VIPR2: variants seen among roughly 807,000 people sequenced by gnomAD.
VIPR2 encodes the protein vasoactive intestinal peptide receptor 2, also known as vasoactive intestinal polypeptide receptor 2.
VIPR2 carries 48 observed loss-of-function variants against 58.0 expected under a neutral mutation model. The observed-to-expected ratio is 0.83, with a 90% confidence interval of 0.66 to 1.05. VIPR2 has a LOEUF of 1.05. Among genes scored for constraint, VIPR2 ranks in the 50% least tolerant of loss-of-function variants. The pLI is 0.00. For synonymous variants in VIPR2, 243 were observed against 235.2 expected (o/e 1.03, Z -0.30); for missense variants, 534 against 558.0 (o/e 0.96, Z 0.43).
intron 2 of VIPR2, among the ~76,000 whole-genome samples, chr7:159,119,264 G>A (rs1028276393): frequency 6.6e-6 from 1 of 152,194 alleles, no homozygotes; most frequent in Non-Finnish European, 1.5e-5. Context: ...CTGCCCCTGA[G>A]CATGTTGCTA....
chr7:159,037,256 C>T (rs937009683), intron 6 of VIPR2, among the ~76,000 whole-genome samples: 8 of 152,254 alleles, frequency 5.3e-5, no homozygotes, highest in Non-Finnish European at 1.2e-4. Flanking sequence ...ACTTCCCCTT[C>T]TCTGACCTGC....
intron 6 of VIPR2, among the ~76,000 whole-genome samples, chr7:159,040,041 C>T (rs1010930842): frequency 1.5e-4 from 23 of 152,284 alleles, no homozygotes; most frequent in African/African-American, 5.1e-4. Context: ...GTGCTGAAGA[C>T]GATTCCATTT....
At chr7:159,104,278 G>A (rs573894662) in intron 3 of VIPR2, among the ~76,000 whole-genome samples, 5 of 135,144 alleles carry the variant, frequency 3.7e-5, no homozygotes, top group African/African-American at 1.1e-4. Flanking sequence ...CCTCACCACC[G>A]ACAGTGACCG....
Position 159,096,650 on chromosome 7 carries a change from T to C in VIPR2, c.357+7107A>G, listed in dbSNP as rs893224979. ...GCCCTGAAAAGACTCATCCATTTAT[T>C]TGGAAAGTATTAAGCATCACATGCA... On this transcript the variant is annotated intron_variant, in intron 4 of 12. Transcript: ENST00000262178. This position sits in a 1 kb window ranked among gnomAD's most constrained non-coding sequence, Gnocchi z 5.5. 2.6e-5 allele frequency among the ~76,000 whole-genome samples: 4 copies of C among 152,226 alleles called. No individual in the cohort carries two copies. Among genetic ancestry groups the C allele is most frequent in the Non-Finnish European group, 5.9e-5 (4 of 68,044 alleles).
In VIPR2 at chr7:159,098,992, G is replaced by A. The variant is rs997137567; in HGVS notation, c.357+4765C>T. On this transcript the variant is annotated intron_variant, in intron 4 of 12. Transcript: ENST00000262178. The surrounding 1 kb of genome is among the most constrained non-coding windows in gnomAD (Gnocchi z 5.2). ...GCCCAGGACCGTGCATGTCCACCCC[G>A]TGGCTGCCTGGGGCCTGTTCTGGTG... 7.9e-5 allele frequency among the ~76,000 whole-genome samples: 12 copies of A among 152,218 alleles called. No homozygotes were observed. The highest frequency in any genetic ancestry group is 2.1e-4 in the South Asian group (1 of 4,836).
chr7:159,137,757 T>C (rs766833261), intron 2 of VIPR2, among the ~76,000 whole-genome samples: 20 of 151,826 alleles, frequency 1.3e-4, no homozygotes, highest in Non-Finnish European at 1.9e-4. Context: ...CCTTAAAGAG[T>C]TTAGAAAATG....
chr7:159,132,945 A>C lies in VIPR2; in HGVS notation c.151+9501T>G, dbSNP rs10232017. On this transcript the variant is annotated intron_variant, in intron 2 of 12. Coordinates refer to ENST00000262178, the MANE Select transcript of VIPR2 (RefSeq NM_003382.5). ...ATTTCAGACAGAATGATTGGCATAC[A>C]GATTGATTTCAGACAGAATGATTGG... 9.0e-3 allele frequency among the ~76,000 whole-genome samples: 591 copies of C among 65,410 alleles called. 4 individuals are homozygous for C. The highest frequency in any genetic ancestry group is 0.024 in the Admixed American group (131 of 5,440). 42.9% of individuals were successfully genotyped at this position (65,410 alleles called of 152,430 possible).
At chr7:159,122,483 C>G (rs116659620) in intron 2 of VIPR2, among the ~76,000 whole-genome samples, 2,539 of 152,306 alleles carry the variant, frequency 0.017, 65 homozygotes, top group African/African-American at 0.057. Context: ...AGAGACTGAA[C>G]TGGATAAAAA....
rs558593596 is a variant in VIPR2 at position 159,117,386 on chromosome 7, G to A, written c.152-7467C>T. 9.8e-5 allele frequency: 70 copies of A among 717,508 alleles called. No homozygotes were observed. In the South Asian group the frequency reaches 9.9e-4, roughly 10 times the overall value. The allele number at this position is 717,508 out of a possible 1,614,324, so 44.4% of individuals were successfully genotyped here. On this transcript the variant is annotated intron_variant, in intron 2 of 12. Transcript: ENST00000262178. ...CTCTTTAAACCTCCGGCGTGAATGAGGATGAATCCCTTTGTATGGCCTGTG... is the reference window on the plus strand; with the variant it reads ...CTCTTTAAACCTCCGGCGTGAATGAAGATGAATCCCTTTGTATGGCCTGTG...
intron 2 of VIPR2, among the ~76,000 whole-genome samples, chr7:159,139,867 C>T (rs372620100): frequency 2.0e-5 from 3 of 152,276 alleles, no homozygotes; most frequent in African/African-American, 7.2e-5. Context: ...TGCCTTCCAC[C>T]TGCGAGTTGG....
At chr7:159,070,260 G>A (rs1371108458) in intron 4 of VIPR2, among the ~76,000 whole-genome samples, 1 of 152,068 alleles carries the variant, frequency 6.6e-6, no homozygotes, top group Non-Finnish European at 1.5e-5. Flanking sequence ...AGCCGCCCCT[G>A]CATCCAGGGC....
intron 4 of VIPR2, among the ~76,000 whole-genome samples, chr7:159,084,138 C>T (rs929285535): frequency 3.3e-5 from 5 of 152,226 alleles, no homozygotes; most frequent in African/African-American, 9.6e-5. Flanking sequence ...AAAGCAAAGC[C>T]GCATCAGTAC....
intron 7 of VIPR2, 35 bp from the exon 8 acceptor site, chr7:159,036,047 G>A (rs1853929314): frequency 1.2e-6 from 2 of 1,604,482 alleles, no homozygotes; most frequent in Non-Finnish European, 1.7e-6. Flanking sequence ...AGGTGGAGCG[G>A]AGCGGTGTGC....
intron 5 of VIPR2, among the ~76,000 whole-genome samples, chr7:159,045,580 A>G (rs1219422710): frequency 6.6e-6 from 1 of 152,214 alleles, no homozygotes; most frequent in African/African-American, 2.4e-5. Flanking sequence ...ATTACTCAGA[A>G]TGAATCAATG....
At chr7:159,101,210 G>A (rs1388343567) in intron 4 of VIPR2, among the ~76,000 whole-genome samples, 3 of 144,442 alleles carry the variant, frequency 2.1e-5, no homozygotes, top group Admixed American at 6.9e-5. Flanking sequence ...CACGAGATCC[G>A]ACGAGGCCGT....
chr7:159,043,016 G>A lies in VIPR2; in HGVS notation c.597+19C>T, dbSNP rs925756514. 6.2e-6 allele frequency: 10 copies of A among 1,612,666 alleles called. No homozygotes were observed. Among genetic ancestry groups the A allele is most frequent in the Non-Finnish European group, 8.5e-6 (10 of 1,179,226 alleles). On this transcript the variant is annotated intron_variant, in intron 6 of 12. Transcript: ENST00000262178. ...TAAAGGGACAAGACAGTGGGACCCT[G>A]TGGTGGGGACAGCCTTACCCAGGAG...
chr7:159,066,905 AT>A (rs577470500), intron 4 of VIPR2, among the ~76,000 whole-genome samples: 1 of 152,064 alleles, frequency 6.6e-6, no homozygotes, highest in Non-Finnish European at 1.5e-5. Context: ...TAGAAGGGGG[AT>A]TTTTTTGCCT....
At chr7:159,092,181 G>A (rs1857543805) in intron 4 of VIPR2, among the ~76,000 whole-genome samples, 1 of 152,224 alleles carries the variant, frequency 6.6e-6, no homozygotes, top group Non-Finnish European at 1.5e-5. Flanking sequence ...ACCTCCGCCT[G>A]AGCTGTGGAC....
intron 2 of VIPR2, among the ~76,000 whole-genome samples, chr7:159,131,995 A>G (rs1320966742): frequency 1.3e-5 from 2 of 152,266 alleles, no homozygotes; most frequent in African/African-American, 2.4e-5. Flanking sequence ...GACAGAACAA[A>G]TAAGGCAGCT....
Sources: gnomAD v4.1 joint callset for allele counts (sites outside exome capture counted in the v4.1 genomes callset) on GRCh38, gnomAD v4.1.1 for gene constraint, Gnocchi (gnomAD v3.1) non-coding constraint, MANE v1.5 for transcripts, NCBI Gene and HGNC (gene_info 2026-07-23, HGNC 2026-07-21) for gene names.